DSG1: variants seen among roughly 807,000 people sequenced by gnomAD.
The protein encoded by DSG1 is desmoglein-1.
In DSG1, 39 loss-of-function variants were observed where a neutral mutation model predicts 97.5. The ratio of observed to expected loss-of-function variants is 0.40; its 90% CI spans 0.31 to 0.52. The LOEUF is 0.52. DSG1 is among the 20% of genes least tolerant of loss of function. DSG1 has a pLI of 0.53. For synonymous variants in DSG1, 475 were observed against 443.4 expected, an observed-to-expected ratio of 1.07 and a Z score of -0.90; for missense variants, 1,311 against 1,295.4, an observed-to-expected ratio of 1.01 and a Z score of -0.18.
intron 9 of DSG1, 38 bp downstream of exon 9, chr18:31,336,651 T>G (rs1330146270): frequency 6.2e-7 from 1 of 1,600,688 alleles, no homozygotes; most frequent in African/African-American, 1.3e-5. Flanking sequence ...CCTTACATAT[T>G]GAACTTAAGT....
At chr18:31,326,841 A>C in intron 2 of DSG1, 33 bp from the exon 3 acceptor site, 2 of 1,606,242 alleles carry the variant, frequency 1.2e-6, no homozygotes, top group Non-Finnish European at 1.7e-6. Context: ...ATTCAAATTA[A>C]TATATACCAT....
At chr18:31,332,632 G>A (rs1454058586) in intron 6 of DSG1, among the ~76,000 whole-genome samples, 1 of 152,044 alleles carries the variant, frequency 6.6e-6, no homozygotes, top group South Asian at 2.1e-4. Context: ...GAGCATAAGT[G>A]AGGAAGCTTT....
chr18:31,343,304 A>C (rs2071802394), intron 11 of DSG1, 146 bp from the exon 12 acceptor site: 2 of 1,146,088 alleles, frequency 1.7e-6, no homozygotes, highest in Non-Finnish European at 2.6e-6. Context: ...TCTGACCATC[A>C]TTCAGCTTGT....
chr18:31,353,384 A>G lies in DSG1; in HGVS notation c.2101-913A>G, dbSNP rs1402047521. Among the ~76,000 whole-genome samples, 621 of 150,860 alleles carry G rather than the reference A, an allele frequency of 4.1e-3. 2 individuals carry two copies. The highest frequency in any genetic ancestry group is 6.2e-3 in the Non-Finnish European group (419 of 67,424). Reference sequence around the variant, plus strand: ...ACTGCTCTCTTCAAAGCTGTCAGACAGGGACATTTAAGTCTGCAGAGGTTA... The same window carrying G: ...ACTGCTCTCTTCAAAGCTGTCAGACGGGGACATTTAAGTCTGCAGAGGTTA... On this transcript the variant is annotated intron_variant, in intron 14 of 14. Transcript: ENST00000257192.
intron 3 of DSG1, 152 bp downstream of exon 3, chr18:31,327,157 A>C: frequency 5.3e-5 from 56 of 1,056,130 alleles, no homozygotes; most frequent in Non-Finnish European, 7.4e-5. Flanking sequence ...ACTGAAACTC[A>C]TAAGGAGAAA....
intron 1 of DSG1, among the ~76,000 whole-genome samples, chr18:31,324,045 G>A (rs143674791): frequency 2.4e-5 from 3 of 124,036 alleles, no homozygotes; most frequent in African/African-American, 9.2e-5. Context: ...GTGCAGTGGT[G>A]CAATCTCGGC....
At chr18:31,334,323 G>T in intron 8 of DSG1, 121 bp downstream of exon 8, 5 of 644,338 alleles carry the variant, frequency 7.8e-6, no homozygotes, top group African/African-American at 2.0e-5. Context: ...AAATTACTGT[G>T]TTTTAAATAT....
intron 1 of DSG1, among the ~76,000 whole-genome samples, chr18:31,323,875 T>A (rs1009339918): frequency 3.5e-4 from 53 of 152,178 alleles, no homozygotes; most frequent in African/African-American, 1.2e-3. Context: ...CCCATCTGTC[T>A]TTCCGTTTTC....
Position 31,354,818 on chromosome 18 carries a change from C to A in DSG1, c.2622C>A (p.Gly874=), listed in dbSNP as rs149729348. The change falls in exon 15 of 15, where the codon GGC becomes GGA. Residue 874 remains glycine (G), a synonymous_variant. Transcript: ENST00000257192. ...AGAGAGTGGTCGGCCCAATCTCTGGCGCTGATTTGCATGGAATGTTAGAGA... is the reference window on the plus strand; with the variant it reads ...AGAGAGTGGTCGGCCCAATCTCTGGAGCTGATTTGCATGGAATGTTAGAGA... ...VTERVVGPIS[G]ADLHGMLEMP... The A allele has an allele frequency of 1.9e-5, 31 of 1,613,962 alleles. No individual in the cohort carries two copies. Among genetic ancestry groups the A allele is most frequent in the Admixed American group, 6.7e-5 (4 of 59,978 alleles).
chr18:31,355,106 C>T lies in DSG1; in HGVS notation c.2910C>T (p.Ile970=). 1 of 1,613,982 alleles carries T rather than the reference C, an allele frequency of 6.2e-7. No individual in the cohort carries two copies. Among genetic ancestry groups the T allele is most frequent in the Non-Finnish European group, 8.5e-7 (1 of 1,179,880 alleles). ...GVTGISGTTG[I]SGGIGSSGLV... ...CTGGAATTAGTGGCACCACTGGGAT[C>T]AGCGGTGGCATAGGCAGCAGTGGCC... Residue 970 remains isoleucine, a synonymous_variant, in exon 15 of 15, where the codon ATC becomes ATT. Transcript: ENST00000257192.
At chr18:31,333,804 A>G in intron 7 of DSG1, 81 bp downstream of exon 7, 1 of 1,533,066 alleles carries the variant, frequency 6.5e-7, no homozygotes, top group South Asian at 1.1e-5. Context: ...TTACAGAGGC[A>G]CATGTTATGT....
At position 31,355,283 on chromosome 18, in the gene DSG1, C is replaced by G. The variant is rs755411256; in HGVS notation, c.3087C>G (p.Ser1029=). ...SDHHFNQTIG[S]ASPSTARSRI... Reference sequence around the variant, plus strand: ...ATCACTTTAACCAAACCATTGGGTCCGCCTCCCCTAGCACAGCTCGAAGTC... The same window carrying G: ...ATCACTTTAACCAAACCATTGGGTCGGCCTCCCCTAGCACAGCTCGAAGTC... The change falls in exon 15 of 15, where the codon TCC becomes TCG. Residue 1029 remains serine, a synonymous_variant. Transcript: ENST00000257192. 1 of 1,613,562 alleles carries G rather than the reference C, an allele frequency of 6.2e-7. No individual in the cohort carries two copies. Among genetic ancestry groups the G allele is most frequent in the African/African-American group, 1.3e-5 (1 of 74,918 alleles).
rs1334825415 is a variant in DSG1 at position 31,318,211 on chromosome 18, A to G, written c.-90A>G. ...GAACATCTACTGAGAAATTATTTTA[A>G]TCAGACACCAGCTGAGTGGGAGAAA... On this transcript the variant is annotated 5_prime_UTR_variant, in exon 1 of 15. Transcript: ENST00000257192. 7.9e-6 allele frequency: 9 copies of G among 1,145,890 alleles called. No homozygotes were observed. Among genetic ancestry groups the G allele is most frequent in the Non-Finnish European group, 1.1e-5 (8 of 753,820 alleles). 71.0% of individuals were successfully genotyped at this position (1,145,890 alleles called of 1,614,324 possible).
In DSG1 at chr18:31,346,111, A is replaced by G; in HGVS notation, c.2013A>G (p.Glu671=). The change falls in exon 14 of 15, where the codon GAA becomes GAG. Residue 671 remains glutamate (E), a synonymous_variant. Transcript: ENST00000257192. ...CAGGAATGCCTGAGATATGTCAAGA[A>G]TACTCTGGAACATTAAGAAGAAATT... is the stretch of plus-strand genomic sequence containing the variant. The part of the protein sequence containing the change: ...KTSGMPEICQ[E]YSGTLRRNSM... 6.2e-7 allele frequency: 1 copy of G among 1,613,838 alleles called. No homozygotes were observed. The highest frequency in any genetic ancestry group is 1.1e-5 in the South Asian group (1 of 91,084).
At chr18:31,329,565 A>T (rs2071708108) in intron 4 of DSG1, among the ~76,000 whole-genome samples, 1 of 151,854 alleles carries the variant, frequency 6.6e-6, no homozygotes, top group Admixed American at 6.6e-5. Context: ...GGGTCTCATT[A>T]TATTGCCCAG....
chr18:31,344,562 G>A (rs972608428), intron 13 of DSG1, among the ~76,000 whole-genome samples: 4 of 152,132 alleles, frequency 2.6e-5, no homozygotes, highest in African/African-American at 7.2e-5. Flanking sequence ...TTAATTGAAA[G>A]CAAGTAGATG....
In DSG1 at chr18:31,339,873, C is replaced by G; in HGVS notation, c.1535C>G (p.Ser512Cys). Residue 512 changes from serine (S) to cysteine (C), a missense_variant, in exon 11 of 15, where the codon TCC becomes TGC. By Grantham distance (112) the Ser-to-Cys change is moderately radical (BLOSUM62 -1). Coordinates refer to ENST00000257192, the MANE Select transcript of DSG1 (RefSeq NM_001942.4). ...TNTGRQESTS[S>C]TNYDTSTTST... ...ACTGGCAGACAAGAAAGTACTTCTT[C>G]CACTAACTATGATACCAGCACAACT... 1 of 1,614,082 alleles carries G rather than the reference C, an allele frequency of 6.2e-7. No homozygotes were observed. Among genetic ancestry groups the G allele is most frequent in the Non-Finnish European group, 8.5e-7 (1 of 1,179,996 alleles).
At chr18:31,325,547 A>G (rs767278864) in intron 1 of DSG1, among the ~76,000 whole-genome samples, 1 of 152,112 alleles carries the variant, frequency 6.6e-6, no homozygotes, top group Non-Finnish European at 1.5e-5. Flanking sequence ...TGCACCCAAG[A>G]TGGGCTCTAC....
chr18:31,345,685 T>C (rs2071827066), intron 13 of DSG1, among the ~76,000 whole-genome samples: 1 of 152,140 alleles, frequency 6.6e-6, no homozygotes, highest in South Asian at 2.1e-4. Flanking sequence ...GTATTTTTTC[T>C]CCAATTTCCT....
Sources: allele counts gnomAD v4.1 joint callset (sites outside exome capture counted in the v4.1 genomes callset), GRCh38; gene constraint gnomAD v4.1.1; transcripts MANE v1.5; gene names NCBI Gene and HGNC (gene_info 2026-07-23, HGNC 2026-07-21).